The following ITGA8 variants were observed in gnomAD, a reference collection of about 807,000 sequenced individuals.
ITGA8 encodes integrin alpha-8.
Under a neutral mutation model 142.3 loss-of-function variants are expected in ITGA8, and 91 were observed. The ratio of observed to expected loss-of-function variants is 0.64; its 90% CI spans 0.54 to 0.76. The LOEUF (loss-of-function observed/expected upper bound fraction) is 0.76. Among genes scored for constraint, ITGA8 ranks in the 30% least tolerant of loss-of-function variants. The pLI, the probability that ITGA8 is intolerant of heterozygous loss-of-function variation, is 0.00. For synonymous variants in ITGA8, 505 were observed against 485.2 expected (o/e 1.04, Z -0.54); for missense variants, 1,406 against 1,327.7 (o/e 1.06, Z -0.92).
chr10:15,707,085 A>C (rs910744849), intron 2 of ITGA8, among the ~76,000 whole-genome samples: 1 of 152,174 alleles, frequency 6.6e-6, no homozygotes, highest in African/African-American at 2.4e-5. Context: ...TCCTCAGTGA[A>C]AGTTCTTGTG....
chr10:15,627,482 G>T (rs1434997015), intron 13 of ITGA8, among the ~76,000 whole-genome samples: 1 of 152,190 alleles, frequency 6.6e-6, no homozygotes. Context: ...AGCTATTAAT[G>T]TAATTGCAGG....
chr10:15,671,555 C>A (rs780838125), intron 8 of ITGA8, 48 bp downstream of exon 8: 1 of 1,501,346 alleles, frequency 6.7e-7, no homozygotes, highest in Non-Finnish European at 9.3e-7. Context: ...GCCATTTTAC[C>A]ATTTCCCCAT....
chr10:15,520,735 AT>A (rs753095971), intron 28 of ITGA8, among the ~76,000 whole-genome samples: 1 of 152,348 alleles, frequency 6.6e-6, no homozygotes, highest in East Asian at 1.9e-4. Context: ...CTAACGTAGT[AT>A]TCCGGTTTTA....
At chr10:15,679,992 T>C (rs553385825) in intron 4 of ITGA8, among the ~76,000 whole-genome samples, 1 of 152,200 alleles carries the variant, frequency 6.6e-6, no homozygotes, top group Non-Finnish European at 1.5e-5. Flanking sequence ...ATTATTTCTT[T>C]CTTATCAAGG....
intron 13 of ITGA8, among the ~76,000 whole-genome samples, chr10:15,633,605 A>G (rs1303201308): frequency 9.2e-5 from 14 of 152,076 alleles, no homozygotes; most frequent in Non-Finnish European, 1.2e-4. Context: ...TTTTTAGTAG[A>G]GACAGGGTTT....
chr10:15,530,909 C>A, intron 28 of ITGA8, 141 bp downstream of exon 28: 1 of 526,590 alleles, frequency 1.9e-6, no homozygotes. Flanking sequence ...ATTACCAGAC[C>A]AATGTAAGAA....
chr10:15,668,807 G>T (rs933227401), intron 8 of ITGA8, among the ~76,000 whole-genome samples: 10 of 152,176 alleles, frequency 6.6e-5, no homozygotes, highest in Admixed American at 2.6e-4. Context: ...ATGAGATTCT[G>T]TGTTGAAAAT....
In ITGA8 at chr10:15,607,787, C is replaced by G; in HGVS notation, c.1654G>C (p.Ala552Pro). Residue 552 changes from alanine to proline, a missense_variant, in exon 17 of 30, where the codon GCT (alanine) becomes CCT (proline). Ala to Pro is a conservative substitution (Grantham distance 27). Coordinates refer to ENST00000378076, the MANE Select transcript of ITGA8 (RefSeq NM_003638.3). Reference sequence around the variant, plus strand: ...TCAAGGAAGAGCGTCCGTTTAATAGCTCCTTTCTGTTTCAGGGAATCTAAT... The same window carrying G: ...TCAAGGAAGAGCGTCCGTTTAATAGGTCCTTTCTGTTTCAGGGAATCTAAT... ...VQLDSLKQKG[A>P]IKRTLFLDNH... 2.5e-6 allele frequency: 4 copies of G among 1,611,744 alleles called. No homozygotes were observed. The highest frequency in any genetic ancestry group is 3.4e-6 in the Non-Finnish European group (4 of 1,178,816).
chr10:15,666,532 G>C lies in ITGA8; in HGVS notation c.847+5071C>G, dbSNP rs558388247. Among the ~76,000 whole-genome samples the C allele has an allele frequency of 9.3e-4, 141 of 152,106 alleles. 2 individuals are homozygous for C. The Middle Eastern group carries it at 0.01, about 11-fold the overall frequency. On this transcript the variant is annotated intron_variant, in intron 8 of 29. Transcript: ENST00000378076. ...TATTTCCTTCTCCTGCCTGATTGCC[G>C]TGGCCAGAACTTCCAACACTATGTT...
intron 13 of ITGA8, among the ~76,000 whole-genome samples, chr10:15,626,614 C>A (rs2131629198): frequency 6.6e-6 from 1 of 151,892 alleles, no homozygotes; most frequent in East Asian, 1.9e-4. Context: ...AACAATGAAC[C>A]TCAGGTATTT....
At chr10:15,623,332 A>G (rs1457419752) in intron 13 of ITGA8, among the ~76,000 whole-genome samples, 1 of 152,014 alleles carries the variant, frequency 6.6e-6, no homozygotes, top group African/African-American at 2.4e-5. Flanking sequence ...TCCTTTTTAC[A>G]CTGCCTTCTA....
At chr10:15,674,078 G>A (rs2131689687) in intron 6 of ITGA8, among the ~76,000 whole-genome samples, 1 of 152,248 alleles carries the variant, frequency 6.6e-6, no homozygotes, top group Non-Finnish European at 1.5e-5. Context: ...CAGTCTTTCT[G>A]TTGGAAGTCC....
At chr10:15,648,659 G>C (rs184057628) in intron 11 of ITGA8, among the ~76,000 whole-genome samples, 11 of 152,056 alleles carry the variant, frequency 7.2e-5, no homozygotes, top group African/African-American at 2.7e-4. Flanking sequence ...GGGATGAGGT[G>C]GGAACAGTTA....
At chr10:15,616,617 G>T in intron 13 of ITGA8, 58 bp from the exon 14 acceptor site, 3 of 1,425,362 alleles carry the variant, frequency 2.1e-6, no homozygotes, top group South Asian at 2.3e-5. Context: ...AATTTACTAA[G>T]TTCAAAATCG....
intron 25 of ITGA8, among the ~76,000 whole-genome samples, chr10:15,565,788 C>T (rs910262334): frequency 1.3e-5 from 2 of 151,602 alleles, no homozygotes; most frequent in Admixed American, 6.6e-5. Flanking sequence ...TGGGGTTTTG[C>T]CATGGTTGCC....
intron 21 of ITGA8, chr10:15,596,672 T>A (rs1446202739): frequency 6.5e-6 from 1 of 153,226 alleles, no homozygotes; most frequent in Non-Finnish European, 1.5e-5. Flanking sequence ...AAGTTTCAAA[T>A]GCTCAAGCAA....
chr10:15,666,140 C>G (rs1029387303), intron 8 of ITGA8, among the ~76,000 whole-genome samples: 2 of 152,156 alleles, frequency 1.3e-5, no homozygotes, highest in African/African-American at 4.8e-5. Flanking sequence ...TTGATTCTTC[C>G]TACCCATGAG....
At chr10:15,603,803 T>A (rs1350163000) in intron 20 of ITGA8, among the ~76,000 whole-genome samples, 2 of 152,188 alleles carry the variant, frequency 1.3e-5, no homozygotes, top group African/African-American at 4.8e-5. Flanking sequence ...GGCTGGACCT[T>A]CTTCCCTAAC....
chr10:15,536,141 G>T (rs1211137303), intron 27 of ITGA8, among the ~76,000 whole-genome samples: 2 of 152,150 alleles, frequency 1.3e-5, no homozygotes, highest in African/African-American at 4.8e-5. Context: ...AGGGTCTGCG[G>T]CTTCGTTCTT....
Sources: allele counts gnomAD v4.1 joint callset (sites outside exome capture counted in the v4.1 genomes callset), GRCh38; gene constraint gnomAD v4.1.1; transcripts MANE v1.5; gene names NCBI Gene and HGNC (gene_info 2026-07-23, HGNC 2026-07-21).